The following CHRNE variants were observed in gnomAD, a reference collection of about 807,000 sequenced individuals.
CHRNE encodes the protein acetylcholine receptor subunit epsilon.
A neutral mutation model predicts 56.5 loss-of-function variants in CHRNE; 58 were observed. The observed-to-expected ratio is 1.03, with a 90% CI of 0.83 to 1.28. The LOEUF is 1.28. CHRNE is among the 50% of genes most tolerant of loss of function. The pLI, the probability that CHRNE is intolerant of heterozygous loss-of-function variation, is 0.00. For missense variants in CHRNE, 793 were observed against 688.9 expected (o/e 1.15, Z -1.69); for synonymous variants, 385 against 297.9 (o/e 1.29, Z -3.01).
In CHRNE at chr17:4,900,634, C is replaced by T. The variant is rs1022488693; in HGVS notation, c.917+159G>A. 9.4e-6 allele frequency: 14 copies of T among 1,484,972 alleles called. No homozygotes were observed. The Admixed American group carries it at 2.4e-4, about 25-fold the overall frequency. 92.0% of individuals were successfully genotyped at this position (1,484,972 alleles called of 1,614,324 possible). A position where few individuals can be genotyped will look rare whatever the true frequency, so the allele number is the denominator to read the frequency against. On this transcript the variant is annotated intron_variant, in intron 8 of 11. Coordinates refer to ENST00000649488, the MANE Select transcript of CHRNE (RefSeq NM_000080.4). Reference sequence around the variant, plus strand: ...TGACGTCCAGCAGCAGTGAGGAGGACGGCGGACCAGGGACTCCATCCCCGT... The same window carrying T: ...TGACGTCCAGCAGCAGTGAGGAGGATGGCGGACCAGGGACTCCATCCCCGT...
At position 4,902,422 on chromosome 17, in the gene CHRNE, C is replaced by T; in HGVS notation, c.234+28G>A. ...GGAAAAGGGGTGCCCTGGACAAGAC[C>T]TCACACCATTCCCCAGATTTGACTC... On this transcript the variant is annotated intron_variant, in intron 3 of 11. Coordinates refer to ENST00000649488, the MANE Select transcript of CHRNE (RefSeq NM_000080.4). This position sits in a 1 kb window ranked among gnomAD's most constrained non-coding sequence, Gnocchi z 4.0. The T allele has an allele frequency of 1.2e-6, 2 of 1,614,180 alleles. No homozygotes were observed. Among genetic ancestry groups the T allele is most frequent in the East Asian group, 2.2e-5 (1 of 44,878 alleles).
At chr17:4,899,133 C>T (rs1475782490) in intron 10 of CHRNE, 26 bp from the exon 11 acceptor site, 1 of 1,599,670 alleles carries the variant, frequency 6.3e-7, no homozygotes, top group Non-Finnish European at 8.5e-7. Context: ...CCGGGGTGGG[C>T]CTTAGGAGCC....
At chr17:4,900,942 C>T in intron 7 of CHRNE, 35 bp from the exon 8 acceptor site, 2 of 1,614,076 alleles carry the variant, frequency 1.2e-6, no homozygotes, top group Non-Finnish European at 1.7e-6. Flanking sequence ...GGCCCCGCCT[C>T]CCGGGAGCGA....
upstream of CHRNE, among the ~76,000 whole-genome samples, chr17:4,906,103 T>C (rs1275326448): frequency 2.0e-5 from 3 of 152,206 alleles, no homozygotes; most frequent in African/African-American, 7.2e-5. Context: ...TTCACCATGG[T>C]CTTAGCCCCA....
chr17:4,899,549 G>A lies in CHRNE; in HGVS notation c.951C>T (p.Leu317=), dbSNP rs757563966. Residue 317 remains leucine, a synonymous_variant, in exon 9 of 12, where the codon CTC becomes CTT. Coordinates refer to ENST00000649488, the MANE Select transcript of CHRNE (RefSeq NM_000080.4). The stretch of plus-strand genomic sequence containing the variant: ...GCACGATGACGCAATTCATGACAAT[G>A]AGCGTGGCGACCACCATGACGAAAA... ...FLIFVMVVAT[L]IVMNCVIVLN... 1.0e-5 allele frequency: 16 copies of A among 1,598,312 alleles called. No homozygotes were observed. Among genetic ancestry groups the A allele is most frequent in the Middle Eastern group, 1.7e-4 (1 of 5,788 alleles).
Position 4,900,798 on chromosome 17 carries a change from C to G in CHRNE, c.912G>C (p.Leu304=), listed in dbSNP as rs779186524. Residue 304 remains leucine (L), a synonymous_variant, in exon 8 of 12, where the codon CTG becomes CTC. Transcript: ENST00000649488. ...IPETSLSVPL[L]GRFLIFVMVV... ...CGCGGGGGCTCCGGCTTCACCTGCC[C>G]AGGAGCGGCACGCTCAGAGAAGTCT... The G allele has an allele frequency of 6.2e-7, 1 of 1,613,596 alleles. No homozygotes were observed. The highest frequency in any genetic ancestry group is 1.1e-5 in the South Asian group (1 of 91,034).
chr17:4,899,359 A>T lies in CHRNE; in HGVS notation c.1058T>A (p.Leu353His). ...RHVLLELLPR[L>H]LGSPPPPEAP... ...CTCGGGCGGCGGCGGGGAGCCCAGG[A>T]GGCGCGGCAGCAGCTCCAGGAGAAC... The change falls in exon 10 of 12, where the codon CTC becomes CAC. Residue 353 changes from leucine to histidine, a missense_variant. Coordinates refer to ENST00000649488, the MANE Select transcript of CHRNE (RefSeq NM_000080.4). 1 of 1,536,278 alleles carries T rather than the reference A, an allele frequency of 6.5e-7. No individual in the cohort carries two copies. Among genetic ancestry groups the T allele is most frequent in the South Asian group, 1.2e-5 (1 of 84,074 alleles).
At chr17:4,899,867 T>G (rs1969906729) in intron 8 of CHRNE, 1 of 1,544,646 alleles carries the variant, frequency 6.5e-7, no homozygotes, top group African/African-American at 1.4e-5. Flanking sequence ...CTCGAGACCT[T>G]CTGGGTAGGT....
At chr17:4,905,019 G>T (rs1358415925), upstream of CHRNE, among the ~76,000 whole-genome samples, 1 of 152,198 alleles carries the variant, frequency 6.6e-6, no homozygotes, top group Non-Finnish European at 1.5e-5. Flanking sequence ...CCGCGTCAAG[G>T]CTTGGGACAA....
chr17:4,902,819 T>C lies in CHRNE; in HGVS notation c.47-56A>G. 6.2e-7 allele frequency: 1 copy of C among 1,613,062 alleles called. No homozygotes were observed. The highest frequency in any genetic ancestry group is 8.5e-7 in the Non-Finnish European group (1 of 1,179,448). On this transcript the variant is annotated intron_variant, in intron 1 of 11. Transcript: ENST00000649488. This position sits in a 1 kb window ranked among gnomAD's most constrained non-coding sequence, Gnocchi z 4.0. ...GGCAATGAAGAGGCTGGAGCACCTC[T>C]CTCCCCTCTGCCTCCCCTGGGTCCT...
At chr17:4,901,252 G>A in intron 6 of CHRNE, 62 bp from the exon 7 acceptor site, 2 of 1,562,818 alleles carry the variant, frequency 1.3e-6, no homozygotes, top group Non-Finnish European at 1.7e-6. Flanking sequence ...GCTGACAGCG[G>A]GCTGAAGAGG....
At position 4,899,182 on chromosome 17, in the gene CHRNE, G is replaced by A. The variant is rs943839124; in HGVS notation, c.1219+16C>T. ...GCACCCCGCGCGGCCCCCCGGGCCAGGGCCACTGTGCTCACCCGTCCAGGT... is the reference window on the plus strand; with the variant it reads ...GCACCCCGCGCGGCCCCCCGGGCCAAGGCCACTGTGCTCACCCGTCCAGGT... On this transcript the variant is annotated intron_variant, in intron 10 of 11. Transcript: ENST00000649488. 2.6e-6 allele frequency: 4 copies of A among 1,541,550 alleles called. No homozygotes were observed. The African/African-American group carries it at 4.2e-5, about 16-fold the overall frequency.
Position 4,898,541 on chromosome 17 carries a change from C to T in CHRNE, c.*195G>A. 2 of 698,424 alleles carry T rather than the reference C, an allele frequency of 2.9e-6. No homozygotes were observed. Among genetic ancestry groups the T allele is most frequent in the Non-Finnish European group, 4.8e-6 (2 of 413,554 alleles). 43.3% of individuals were successfully genotyped at this position (698,424 alleles called of 1,614,324 possible). ...TGGCACCTGAGAGCCTATGTGAACCCTTTCCTCCTGCTGACCCCTGGACTG... is the reference window on the plus strand; with the variant it reads ...TGGCACCTGAGAGCCTATGTGAACCTTTTCCTCCTGCTGACCCCTGGACTG... On this transcript the variant is annotated 3_prime_UTR_variant, in exon 12 of 12. Coordinates refer to ENST00000649488, the MANE Select transcript of CHRNE (RefSeq NM_000080.4).
upstream of CHRNE, among the ~76,000 whole-genome samples, chr17:4,907,753 AAT>A (rs1444466872): frequency 6.6e-6 from 1 of 152,040 alleles, no homozygotes; most frequent in Non-Finnish European, 1.5e-5. Flanking sequence ...TAGAAAATGC[AAT>A]AGTGGGCTGG....
Position 4,903,025 on chromosome 17 carries a change from C to A in CHRNE, c.39G>T (p.Gly13=), listed in dbSNP as rs1247743244. ...TCTAGCCCCTGTCCGTACCGAGAAGCCCCAAGAGGAGCAGGACCCCAAGCG... is the reference window on the plus strand; with the variant it reads ...TCTAGCCCCTGTCCGTACCGAGAAGACCCAAGAGGAGCAGGACCCCAAGCG... ...RAPLGVLLLL[G]LLGRGVGKNE... The change falls in exon 1 of 12, where the codon GGG becomes GGT. Residue 13 remains glycine (G), a synonymous_variant. Transcript: ENST00000649488. 1 of 1,613,936 alleles carries A rather than the reference C, an allele frequency of 6.2e-7. No homozygotes were observed. Among genetic ancestry groups the A allele is most frequent in the Non-Finnish European group, 8.5e-7 (1 of 1,180,014 alleles).
upstream of CHRNE, among the ~76,000 whole-genome samples, chr17:4,903,367 A>AG (rs1180725682): frequency 6.6e-6 from 1 of 152,168 alleles, no homozygotes; most frequent in Non-Finnish European, 1.5e-5. Context: ...TTCTAGTAGC[A>AG]GGGGGTGGGA....
chr17:4,901,897 A>G, intron 5 of CHRNE, 35 bp downstream of exon 5: 1 of 1,286,982 alleles, frequency 7.8e-7, no homozygotes, highest in Non-Finnish European at 1.1e-6. Flanking sequence ...CCCCCCCAAC[A>G]ATAATCGTCC....
chr17:4,903,042 C>A lies in CHRNE; in HGVS notation c.22G>T (p.Val8Phe). MARAPLG[V>F]LLLLGLLGRG... The stretch of plus-strand genomic sequence containing the variant: ...CCGAGAAGCCCCAAGAGGAGCAGGA[C>A]CCCAAGCGGAGCCCTTGCCATCCTG... The change falls in exon 1 of 12, where the codon GTC becomes TTC. Residue 8 changes from valine (V) to phenylalanine (F), a missense_variant. By Grantham distance (50) the Val-to-Phe change is conservative. Coordinates refer to ENST00000649488, the MANE Select transcript of CHRNE (RefSeq NM_000080.4). 1 of 1,614,018 alleles carries A rather than the reference C, an allele frequency of 6.2e-7. No homozygotes were observed. Among genetic ancestry groups the A allele is most frequent in the Non-Finnish European group, 8.5e-7 (1 of 1,180,008 alleles).
intron 7 of CHRNE, 27 bp from the exon 8 acceptor site, chr17:4,900,934 C>A: frequency 6.2e-7 from 1 of 1,614,040 alleles, no homozygotes. Context: ...TGAGAGCGGG[C>A]CCCGCCTCCC....
Sources: gnomAD v4.1 joint callset for allele counts (sites outside exome capture counted in the v4.1 genomes callset) on GRCh38, gnomAD v4.1.1 for gene constraint, Gnocchi (gnomAD v3.1) non-coding constraint, MANE v1.5 for transcripts, NCBI Gene and HGNC (gene_info 2026-07-23, HGNC 2026-07-21) for gene names.